Variants in ARHGAP12 observed in about 807,000 individuals in gnomAD.
ARHGAP12 encodes Rho GTPase activating protein 12, also known as rho GTPase-activating protein 12.
In ARHGAP12, 64 loss-of-function variants were observed where a neutral mutation model predicts 108.6. The ratio of observed to expected loss-of-function variants is 0.59; its 90% CI spans 0.48 to 0.73. ARHGAP12 has a LOEUF of 0.73. Ranked by LOEUF, ARHGAP12 falls within the 30% of genes least tolerant of loss-of-function variation. The pLI, the probability that ARHGAP12 is intolerant of heterozygous loss-of-function variation, is 0.00. For synonymous variants in ARHGAP12, 312 were observed against 337.2 expected (o/e 0.93, Z 0.82); for missense variants, 940 against 1,005.9 (o/e 0.93, Z 0.89).
chr10:31,862,227 A>G (rs2132309876), intron 3 of ARHGAP12, among the ~76,000 whole-genome samples: 1 of 152,350 alleles, frequency 6.6e-6, no homozygotes, highest in African/African-American at 2.4e-5. Flanking sequence ...AGAATTTACT[A>G]CATTCTATTC....
intron 15 of ARHGAP12, among the ~76,000 whole-genome samples, chr10:31,811,003 T>C (rs12253684): frequency 0.05 from 7,689 of 152,292 alleles, 649 homozygotes; most frequent in African/African-American, 0.17. Flanking sequence ...AGCAATTTTC[T>C]ACCCAATTTG....
At chr10:31,866,523 G>C (rs376487209) in intron 3 of ARHGAP12, among the ~76,000 whole-genome samples, 4 of 152,000 alleles carry the variant, frequency 2.6e-5, no homozygotes, top group African/African-American at 9.7e-5. Flanking sequence ...TAGCAATCTC[G>C]GTGAGTGAAC....
chr10:31,878,783 T>C (rs1837830652), intron 3 of ARHGAP12, among the ~76,000 whole-genome samples: 1 of 152,224 alleles, frequency 6.6e-6, no homozygotes, highest in South Asian at 2.1e-4. Context: ...AAACCTAAAA[T>C]GTTTGTTACT....
intron 4 of ARHGAP12, among the ~76,000 whole-genome samples, chr10:31,856,550 G>A (rs188498506): frequency 1.1e-4 from 16 of 152,276 alleles, no homozygotes; most frequent in Admixed American, 8.5e-4. Flanking sequence ...CTAGCCACAA[G>A]AGTCTTCATG....
chr10:31,874,543 T>C (rs180842121), intron 3 of ARHGAP12, among the ~76,000 whole-genome samples: 33 of 152,168 alleles, frequency 2.2e-4, no homozygotes, highest in Non-Finnish European at 3.7e-4. Flanking sequence ...AGAAAGAAAA[T>C]TAAAAGTAGA....
intron 3 of ARHGAP12, among the ~76,000 whole-genome samples, chr10:31,877,443 C>A (rs906577391): frequency 6.6e-6 from 1 of 152,160 alleles, no homozygotes; most frequent in African/African-American, 2.4e-5. Flanking sequence ...CATTTTAAGT[C>A]ATTAAATCTG....
At chr10:31,864,532 G>C (rs1004101825) in intron 3 of ARHGAP12, among the ~76,000 whole-genome samples, 2 of 152,116 alleles carry the variant, frequency 1.3e-5, no homozygotes, top group African/African-American at 4.8e-5. Context: ...ACAATATTCA[G>C]TACACTGCCC....
At chr10:31,813,655 T>C (rs1274463475) in intron 14 of ARHGAP12, among the ~76,000 whole-genome samples, 1 of 152,190 alleles carries the variant, frequency 6.6e-6, no homozygotes, top group Non-Finnish European at 1.5e-5. Flanking sequence ...CGTGGATTTG[T>C]TAAAATAGAC....
At chr10:31,823,380 A>G (rs1052380210) in intron 11 of ARHGAP12, among the ~76,000 whole-genome samples, 3 of 152,146 alleles carry the variant, frequency 2.0e-5, no homozygotes, top group African/African-American at 4.8e-5. Context: ...AGATTTTTGG[A>G]TGAGACAGCA....
At chr10:31,822,853 A>C (rs987608562) in intron 11 of ARHGAP12, among the ~76,000 whole-genome samples, 1 of 152,130 alleles carries the variant, frequency 6.6e-6, no homozygotes. Flanking sequence ...ACGTTTGGAG[A>C]TATTTTTAGT....
intron 13 of ARHGAP12, among the ~76,000 whole-genome samples, chr10:31,815,542 GGT>G (rs1242671797): frequency 6.6e-6 from 1 of 151,878 alleles, no homozygotes; most frequent in Non-Finnish European, 1.5e-5. Context: ...GAGTGTCTTA[GGT>G]ATTCTTAGTT....
At chr10:31,827,299 ATTTTTAT>A (rs1164131191) in intron 10 of ARHGAP12, among the ~76,000 whole-genome samples, 1 of 152,160 alleles carries the variant, frequency 6.6e-6, no homozygotes, top group East Asian at 1.9e-4. Context: ...AACAGTTTTT[ATTTTTAT>A]TTTTTATCTG....
rs1487106388 is a variant in ARHGAP12 at position 31,908,196 on chromosome 10, G to A, written c.660C>T (p.Ser220=). 3 of 1,608,072 alleles carry A rather than the reference G, an allele frequency of 1.9e-6. No homozygotes were observed. The East Asian group carries it at 6.7e-5, about 36-fold the overall frequency. ...HQDSESGDEL[S]SSSTEQIRAT... is the part of the protein sequence containing the mutation. ...CCCTTATCTGTTCAGTGGAGCTGCT[G>A]CTAAGTTCATCACCAGATTCAGAAT... is the stretch of plus-strand genomic sequence containing the variant. The change falls in exon 3 of 20, where the codon AGC becomes AGT. Residue 220 remains serine, a synonymous_variant. Transcript: ENST00000344936.
chr10:31,822,390 A>G (rs1835448144), intron 11 of ARHGAP12, among the ~76,000 whole-genome samples: 1 of 152,238 alleles, frequency 6.6e-6, no homozygotes, highest in African/African-American at 2.4e-5. Context: ...GAAGAAAATG[A>G]TGATGTCATA....
intron 1 of ARHGAP12, among the ~76,000 whole-genome samples, chr10:31,916,270 G>A (rs570033846): frequency 6.6e-6 from 1 of 151,902 alleles, no homozygotes; most frequent in East Asian, 1.9e-4. Context: ...TCTCAAAAAC[G>A]CCCATACAAG....
chr10:31,826,395 T>C lies in ARHGAP12; in HGVS notation c.1449-10A>G, dbSNP rs1200791442. The C allele has an allele frequency of 1.2e-6, 2 of 1,603,632 alleles. No homozygotes were observed. Among genetic ancestry groups the C allele is most frequent in the Non-Finnish European group, 1.7e-6 (2 of 1,175,020 alleles). On this transcript the variant is annotated splice_polypyrimidine_tract_variant and intron_variant, in intron 10 of 19. Coordinates refer to ENST00000344936, the MANE Select transcript of ARHGAP12 (RefSeq NM_018287.7). ...AGACAACCAGTTCTTTCTGTAATTA[T>C]AAAGATGACCGATTAAAGCTCCAAT...
chr10:31,827,736 A>G (rs1020496754), intron 10 of ARHGAP12, among the ~76,000 whole-genome samples: 1 of 151,336 alleles, frequency 6.6e-6, no homozygotes, highest in South Asian at 2.1e-4. Context: ...GCTTGCAGTG[A>G]GCCGAGATTG....
At chr10:31,890,646 A>T (rs779215473) in intron 3 of ARHGAP12, among the ~76,000 whole-genome samples, 5 of 152,162 alleles carry the variant, frequency 3.3e-5, no homozygotes, top group Non-Finnish European at 7.3e-5. Context: ...TATCAAAAAG[A>T]TTTATCAGCA....
intron 4 of ARHGAP12, among the ~76,000 whole-genome samples, chr10:31,858,872 A>T (rs1047937171): frequency 6.6e-6 from 1 of 152,240 alleles, no homozygotes; most frequent in African/African-American, 2.4e-5. Context: ...GGAAGAAAGT[A>T]GAATCTAAAC....
Sources: gnomAD v4.1 joint callset for allele counts (sites outside exome capture counted in the v4.1 genomes callset) on GRCh38, gnomAD v4.1.1 for gene constraint, MANE v1.5 for transcripts, NCBI Gene and HGNC (gene_info 2026-07-23, HGNC 2026-07-21) for gene names.